Variants in LRRTM4 observed in about 807,000 individuals in gnomAD.
LRRTM4 encodes the protein leucine-rich repeat transmembrane neuronal protein 4.
In LRRTM4, 25 loss-of-function variants were observed where a neutral mutation model predicts 47.6. The ratio of observed to expected loss-of-function variants is 0.53; its 90% CI spans 0.38 to 0.73. The LOEUF is 0.73. Among genes scored for constraint, LRRTM4 ranks in the 30% least tolerant of loss-of-function variants. LRRTM4 has a pLI of 0.00. For missense variants in LRRTM4, 638 were observed against 713.4 expected (o/e 0.89, Z 1.20); for synonymous variants, 311 against 269.5 (o/e 1.15, Z -1.51).
intron 3 of LRRTM4, among the ~76,000 whole-genome samples, chr2:76,956,008 T>TAA (rs148959516): frequency 1.4e-5 from 2 of 146,282 alleles, no homozygotes; most frequent in East Asian, 2.0e-4. Context: ...AACTCCCACT[T>TAA]AAAAAAAAAA....
chr2:77,167,900 T>C (rs928072115), intron 3 of LRRTM4, among the ~76,000 whole-genome samples: 1 of 152,078 alleles, frequency 6.6e-6, no homozygotes, highest in Non-Finnish European at 1.5e-5. Flanking sequence ...TGTATACATA[T>C]GTAATATACC....
chr2:77,306,082 C>T (rs1464403100), intron 3 of LRRTM4, among the ~76,000 whole-genome samples: 1 of 152,048 alleles, frequency 6.6e-6, no homozygotes, highest in Non-Finnish European at 1.5e-5. Context: ...ATTTGTGAAT[C>T]CAATCCCAGA....
At chr2:77,157,916 C>A (rs914335018) in intron 3 of LRRTM4, among the ~76,000 whole-genome samples, 3 of 151,996 alleles carry the variant, frequency 2.0e-5, no homozygotes, top group Admixed American at 2.0e-4. Context: ...CGAGTGAGTT[C>A]TTCAACAGAT....
intron 3 of LRRTM4, among the ~76,000 whole-genome samples, chr2:77,451,794 A>C (rs1271778036): frequency 6.6e-6 from 1 of 152,182 alleles, no homozygotes; most frequent in Non-Finnish European, 1.5e-5. Flanking sequence ...GAGAAGGAGG[A>C]GGCCATTTCA....
At chr2:77,382,329 A>T (rs548413678) in intron 3 of LRRTM4, among the ~76,000 whole-genome samples, 1 of 152,126 alleles carries the variant, frequency 6.6e-6, no homozygotes, top group African/African-American at 2.4e-5. Flanking sequence ...TTTTAACCAT[A>T]TAATTTCTCC....
intron 3 of LRRTM4, among the ~76,000 whole-genome samples, chr2:76,814,443 C>G (rs988400337): frequency 1.2e-4 from 19 of 152,030 alleles, no homozygotes; most frequent in African/African-American, 4.3e-4. Flanking sequence ...ACAATGTACA[C>G]TTGACTCTCC....
At chr2:77,200,391 T>C (rs547049663) in intron 3 of LRRTM4, among the ~76,000 whole-genome samples, 11 of 152,272 alleles carry the variant, frequency 7.2e-5, no homozygotes, top group Non-Finnish European at 1.2e-4. Context: ...AATACATTTA[T>C]ATATGTGTGC....
rs1344682191 is a variant in LRRTM4, at chr2:77,431,442, A to G, written c.1551+86876T>C. 1.3e-5 allele frequency among the ~76,000 whole-genome samples: 2 copies of G among 148,636 alleles called. 1 individual carries two copies. Among genetic ancestry groups the G allele is most frequent in the African/African-American group, 5.2e-5 (2 of 38,138 alleles). Reference sequence around the variant, plus strand: ...ACTATCACATTCAGAATGAGGTTTCAAAATAAAATTTTGGGAGAACACAAA... The same window carrying G: ...ACTATCACATTCAGAATGAGGTTTCGAAATAAAATTTTGGGAGAACACAAA... On this transcript the variant is annotated intron_variant, in intron 3 of 3. Coordinates refer to ENST00000409884, the MANE Select transcript of LRRTM4 (RefSeq NM_001134745.3).
In LRRTM4 at chr2:76,761,498, T is replaced by C. The variant is rs543302709; in HGVS notation, c.1552-12582A>G. On this transcript the variant is annotated intron_variant, in intron 3 of 3. Coordinates refer to ENST00000409884, the MANE Select transcript of LRRTM4 (RefSeq NM_001134745.3). Reference sequence around the variant, plus strand: ...ATTATACACATGTTTTCTAAATAGCTACTTGTAGGTGAATTTACCTTGCAG... The same window carrying C: ...ATTATACACATGTTTTCTAAATAGCCACTTGTAGGTGAATTTACCTTGCAG... 7.9e-5 allele frequency among the ~76,000 whole-genome samples: 12 copies of C among 152,316 alleles called. No homozygotes were observed. In the South Asian group the frequency reaches 2.1e-3, roughly 26 times the overall value.
At chr2:77,344,306 CA>C (rs889859182) in intron 3 of LRRTM4, among the ~76,000 whole-genome samples, 3 of 151,668 alleles carry the variant, frequency 2.0e-5, no homozygotes, top group Non-Finnish European at 2.9e-5. Context: ...ACAGCCATTA[CA>C]ATGATGCTTT....
intron 3 of LRRTM4, among the ~76,000 whole-genome samples, chr2:77,414,301 G>C (rs1276184114): frequency 1.3e-5 from 2 of 151,990 alleles, no homozygotes; most frequent in African/African-American, 4.8e-5. Context: ...CAAATCTTTG[G>C]CTTCAAGGCA....
chr2:77,454,999 C>G (rs1221479533), intron 3 of LRRTM4, among the ~76,000 whole-genome samples: 1 of 152,132 alleles, frequency 6.6e-6, no homozygotes, highest in Admixed American at 6.5e-5. Context: ...ACCAGCCTGG[C>G]CAACATGGTG....
chr2:77,499,008 A>G (rs1239568576), intron 3 of LRRTM4, among the ~76,000 whole-genome samples: 2 of 151,980 alleles, frequency 1.3e-5, no homozygotes, highest in Admixed American at 1.3e-4. Flanking sequence ...ATGCAAGTGA[A>G]CCTTCCTTGG....
At chr2:77,208,452 A>G (rs757369626) in intron 3 of LRRTM4, among the ~76,000 whole-genome samples, 1 of 152,230 alleles carries the variant, frequency 6.6e-6, no homozygotes, top group Non-Finnish European at 1.5e-5. Context: ...TCCAGAGCAC[A>G]TGTGAAGATG....
At position 76,770,248 on chromosome 2, in the gene LRRTM4, G is replaced by A. The variant is rs187017906; in HGVS notation, c.1552-21332C>T. On this transcript the variant is annotated intron_variant, in intron 3 of 3. Coordinates refer to ENST00000409884, the MANE Select transcript of LRRTM4 (RefSeq NM_001134745.3). ...ATAGATCATGGTTGCTATATTTTCT[G>A]CAATGTCATAAATCCTTGTCTTTCA... Among the ~76,000 whole-genome samples, 8 of 152,284 alleles carry A rather than the reference G, an allele frequency of 5.3e-5. No individual in the cohort carries two copies. In the East Asian group the frequency reaches 1.5e-3, roughly 29 times the overall value.
chr2:76,835,428 G>A (rs544611673), intron 3 of LRRTM4, among the ~76,000 whole-genome samples: 16 of 152,186 alleles, frequency 1.1e-4, no homozygotes, highest in African/African-American at 3.6e-4. Context: ...AATAGTAAGA[G>A]TAATACATGT....
intron 3 of LRRTM4, among the ~76,000 whole-genome samples, chr2:76,943,641 C>T (rs552519606): frequency 6.6e-6 from 1 of 152,224 alleles, no homozygotes; most frequent in Non-Finnish European, 1.5e-5. Flanking sequence ...CTTCAGACTC[C>T]TATATCCTAT....
intron 3 of LRRTM4, among the ~76,000 whole-genome samples, chr2:76,936,920 A>G (rs1674970329): frequency 8.0e-6 from 1 of 125,760 alleles, no homozygotes. Flanking sequence ...GCATCACTGC[A>G]CTCCAGCCTG....
At chr2:76,964,529 C>T (rs898492707) in intron 3 of LRRTM4, among the ~76,000 whole-genome samples, 10 of 150,760 alleles carry the variant, frequency 6.6e-5, no homozygotes, top group Non-Finnish European at 1.5e-4. Context: ...CTCAATAATT[C>T]TACAGGGGTC....
Sources: gnomAD v4.1 joint callset for allele counts (sites outside exome capture counted in the v4.1 genomes callset) on GRCh38, gnomAD v4.1.1 for gene constraint, MANE v1.5 for transcripts, NCBI Gene and HGNC (gene_info 2026-07-23, HGNC 2026-07-21) for gene names.